IL1RAPL1: variants seen among roughly 807,000 people sequenced by gnomAD.
IL1RAPL1 encodes interleukin-1 receptor accessory protein-like 1.
Under a neutral mutation model 48.4 loss-of-function variants are expected in IL1RAPL1, and 3 were observed. The ratio of observed to expected loss-of-function variants is 0.06; its 90% CI spans 0.03 to 0.16. IL1RAPL1 has a LOEUF of 0.16. IL1RAPL1 is among the 10% of genes least tolerant of loss of function. The pLI is 1.00. For missense variants in IL1RAPL1, 349 were observed against 530.6 expected, an observed-to-expected ratio of 0.66 and a Z score of 3.36; for synonymous variants, 185 against 187.7, an observed-to-expected ratio of 0.99 and a Z score of 0.12.
intron 2 of IL1RAPL1, among the ~76,000 whole-genome samples, chrX:29,063,235 T>G (rs2147434590): frequency 8.9e-6 from 1 of 111,886 alleles, no homozygotes; most frequent in East Asian, 2.8e-4. Flanking sequence ...CTTAAATATT[T>G]ATTATAAAAA....
chrX:29,089,265 A>G (rs1928026273), intron 2 of IL1RAPL1, among the ~76,000 whole-genome samples: 1 of 111,372 alleles, frequency 9.0e-6, no homozygotes. Flanking sequence ...GATGAATAAA[A>G]AAGTATACAT....
intron 6 of IL1RAPL1, among the ~76,000 whole-genome samples, chrX:29,894,203 G>A (rs925656172): frequency 1.8e-5 from 2 of 111,924 alleles, no homozygotes; most frequent in African/African-American, 3.2e-5. Context: ...TGTTTCCTAC[G>A]AGGTGGTAAG....
intron 2 of IL1RAPL1, among the ~76,000 whole-genome samples, chrX:29,008,385 C>T (rs144996514): frequency 0.013 from 1,427 of 111,284 alleles, 27 homozygotes; most frequent in African/African-American, 0.045. Context: ...CGTGTGTTAG[C>T]CAAGATGGTC....
chrX:29,249,836 T>C (rs1931575183), intron 2 of IL1RAPL1, among the ~76,000 whole-genome samples: 1 of 111,569 alleles, frequency 9.0e-6, no homozygotes, highest in Non-Finnish European at 1.9e-5. Flanking sequence ...CTGAGTGATA[T>C]TTTTGAAAAG....
At chrX:29,094,806 C>CAAAAAAAAAAAAA (rs1928175549) in intron 2 of IL1RAPL1, among the ~76,000 whole-genome samples, 1 of 29,850 alleles carries the variant, frequency 3.4e-5, no homozygotes, top group Non-Finnish European at 5.9e-5. Flanking sequence ...AAAAAAGAAA[C>CAAAAAAAAAAAAA]ATCTATTTAA....
intron 3 of IL1RAPL1, among the ~76,000 whole-genome samples, chrX:29,319,516 T>A (rs866113769): frequency 1.1e-5 from 1 of 91,178 alleles, no homozygotes; most frequent in African/African-American, 4.3e-5. Context: ...ATGTGATATT[T>A]TGTATGTATG....
At chrX:29,833,658 C>G in intron 6 of IL1RAPL1, among the ~76,000 whole-genome samples, 1 of 111,698 alleles carries the variant, frequency 9.0e-6, no homozygotes. Flanking sequence ...ATCATGAAGT[C>G]TCCAGTATGA....
intron 6 of IL1RAPL1, among the ~76,000 whole-genome samples, chrX:29,782,888 A>ATTTTTTTTTTT (rs780831874): frequency 6.4e-5 from 2 of 31,075 alleles, no homozygotes; most frequent in Admixed American, 6.3e-4. Context: ...TGATCGTGAC[A>ATTTTTTTTTTT]TTTTTTTTTT....
chrX:28,719,405 AAT>A (rs776313307), intron 1 of IL1RAPL1, among the ~76,000 whole-genome samples: 1 of 111,398 alleles, frequency 9.0e-6, no homozygotes, highest in Non-Finnish European at 1.9e-5. Flanking sequence ...GGTTGGGAAT[AAT>A]AAATGGAATA....
chrX:28,618,259 G>A (rs1194731891), intron 1 of IL1RAPL1, among the ~76,000 whole-genome samples: 1 of 112,090 alleles, frequency 8.9e-6, no homozygotes, highest in Non-Finnish European at 1.9e-5. Flanking sequence ...TGTTCAAGGT[G>A]TGAAACATAA....
intron 2 of IL1RAPL1, among the ~76,000 whole-genome samples, chrX:28,893,750 G>T (rs183601245): frequency 3.6e-5 from 4 of 111,615 alleles, no homozygotes; most frequent in Non-Finnish European, 7.5e-5. Context: ...TCTAAGAGAC[G>T]GGCTAGCGGC....
At chrX:29,475,815 AT>A (rs1426938053) in intron 5 of IL1RAPL1, among the ~76,000 whole-genome samples, 4 of 110,005 alleles carry the variant, frequency 3.6e-5, no homozygotes, top group Non-Finnish European at 5.7e-5. Context: ...TCCTATAATA[AT>A]TCATCACACG....
At chrX:29,485,769 C>T (rs1214067411) in intron 5 of IL1RAPL1, among the ~76,000 whole-genome samples, 3 of 111,212 alleles carry the variant, frequency 2.7e-5, no homozygotes, top group African/African-American at 9.8e-5. Flanking sequence ...TGAATTAGAG[C>T]AAGTTTCTCC....
intron 1 of IL1RAPL1, among the ~76,000 whole-genome samples, chrX:28,588,603 G>A (rs1346269162): frequency 8.9e-6 from 1 of 112,340 alleles, no homozygotes; most frequent in Non-Finnish European, 1.9e-5. Context: ...GATAATCATC[G>A]TTAATTGTTC....
intron 2 of IL1RAPL1, among the ~76,000 whole-genome samples, chrX:28,863,073 G>T (rs1272517266): frequency 9.0e-6 from 1 of 110,891 alleles, no homozygotes; most frequent in African/African-American, 3.3e-5. Context: ...TAGAGATGGG[G>T]TTTCACCATG....
At chrX:28,633,626 T>C (rs1392306044) in intron 1 of IL1RAPL1, among the ~76,000 whole-genome samples, 1 of 112,208 alleles carries the variant, frequency 8.9e-6, no homozygotes, top group Non-Finnish European at 1.9e-5. Flanking sequence ...TTCAGTGAAC[T>C]GGTTCAAATA....
chrX:29,280,298 G>A (rs1021018319), intron 2 of IL1RAPL1, among the ~76,000 whole-genome samples: 4 of 111,831 alleles, frequency 3.6e-5, no homozygotes, highest in Non-Finnish European at 7.5e-5. Flanking sequence ...TTATGACAAT[G>A]ACTCAGACAT....
chrX:29,803,990 G>A (rs1601832417), intron 6 of IL1RAPL1, among the ~76,000 whole-genome samples: 2 of 111,118 alleles, frequency 1.8e-5, no homozygotes, highest in African/African-American at 3.3e-5. Flanking sequence ...TAAGATGAAT[G>A]CATACCAGAA....
intron 2 of IL1RAPL1, among the ~76,000 whole-genome samples, chrX:28,905,407 T>C (rs1226305302): frequency 1.8e-5 from 2 of 111,429 alleles, no homozygotes; most frequent in East Asian, 5.6e-4. Flanking sequence ...GTTTTTCCTT[T>C]TGCCAGGGGA....
Sources: allele counts gnomAD v4.1 joint callset (sites outside exome capture counted in the v4.1 genomes callset), GRCh38; gene constraint gnomAD v4.1.1; transcripts MANE v1.5; gene names NCBI Gene and HGNC (gene_info 2026-07-23, HGNC 2026-07-21).